Variants in ABCA13 observed in about 807,000 individuals in gnomAD.
ABCA13 encodes ATP binding cassette subfamily A member 13.
Under a neutral mutation model 478.7 loss-of-function variants are expected in ABCA13, and 476 were observed. That is an observed-to-expected ratio of 0.99 (90% CI 0.92 to 1.07). The LOEUF is 1.07. Ranked by LOEUF, ABCA13 falls within the 50% of genes least tolerant of loss-of-function variation. The pLI, the probability that ABCA13 is intolerant of heterozygous loss-of-function variation, is 0.00. For missense variants in ABCA13, 6,060 were observed against 5,910.6 expected (o/e 1.03, Z -0.83); for synonymous variants, 2,252 against 2,158.9 (o/e 1.04, Z -1.20).
chr7:48,288,834 G>A (rs188282705), intron 20 of ABCA13, among the ~76,000 whole-genome samples: 282 of 152,244 alleles, frequency 1.9e-3, no homozygotes, highest in Non-Finnish European at 3.5e-3. Context: ...ATCAGACAAT[G>A]TGTCTCTTAT....
chr7:48,252,919 C>T (rs1324381986), intron 15 of ABCA13, among the ~76,000 whole-genome samples: 3 of 152,096 alleles, frequency 2.0e-5, no homozygotes, highest in African/African-American at 7.2e-5. Flanking sequence ...AAAAAATTTC[C>T]ACTTCCCCCA....
At chr7:48,292,832 T>G (rs10279899) in intron 20 of ABCA13, among the ~76,000 whole-genome samples, 75,793 of 151,966 alleles carry the variant, frequency 0.5, 19,782 homozygotes, top group African/African-American at 0.64. Flanking sequence ...CTGCACTGGG[T>G]TGTGAACCTC....
At chr7:48,359,125 G>A (rs1810419299) in intron 31 of ABCA13, among the ~76,000 whole-genome samples, 1 of 151,934 alleles carries the variant, frequency 6.6e-6, no homozygotes, top group Admixed American at 6.6e-5. Context: ...CCAGTGCATT[G>A]GCTTGTAGTG....
intron 59 of ABCA13, among the ~76,000 whole-genome samples, chr7:48,626,143 T>A (rs1212049855): frequency 6.6e-6 from 1 of 152,108 alleles, no homozygotes; most frequent in African/African-American, 2.4e-5. Context: ...GAGTGGGTAA[T>A]AAGGCATGAG....
At chr7:48,483,253 G>A in intron 47 of ABCA13, 90 bp downstream of exon 47, 1 of 1,111,400 alleles carries the variant, frequency 9.0e-7, no homozygotes, top group South Asian at 1.5e-5. Flanking sequence ...GGGTTCAGAA[G>A]GACCAGATTA....
chr7:48,293,125 C>A (rs1412808181), intron 20 of ABCA13, among the ~76,000 whole-genome samples: 3 of 148,356 alleles, frequency 2.0e-5, no homozygotes, highest in Non-Finnish European at 4.4e-5. Context: ...TTGGTTGAGG[C>A]GGTGGTGACA....
rs1367583100 is a variant in ABCA13, at chr7:48,455,142, A to G, written c.12671A>G (p.Lys4224Arg). 1 of 1,575,346 alleles carries G rather than the reference A, an allele frequency of 6.3e-7. No individual in the cohort carries two copies. The highest frequency in any genetic ancestry group is 1.4e-5 in the African/African-American group (1 of 73,888). Residue 4224 changes from lysine (K) to arginine (R), a missense_variant, in exon 43 of 62, where the codon AAG becomes AGG. By Grantham distance (26) the Lys-to-Arg change is conservative (BLOSUM62 2). This residue lies in a region of ABCA13 where 1,627 missense variants were observed against 1,571.0 expected (regional missense o/e 1.04). Coordinates refer to ENST00000435803, the MANE Select transcript of ABCA13 (RefSeq NM_152701.5). ...CTCCGCCGCACGCTGCGCGCCGGGA[A>G]GAGCACCCTCGCCGACCTGCTGCTG... Reference protein sequence around the residue: ...RRLRRTLRAGKSTLADLLLPV... With the variant: ...RRLRRTLRAGRSTLADLLLPV...
At chr7:48,443,074 A>G (rs963410271) in intron 42 of ABCA13, among the ~76,000 whole-genome samples, 3 of 152,196 alleles carry the variant, frequency 2.0e-5, no homozygotes, top group African/African-American at 7.2e-5. Flanking sequence ...GGATGCACAC[A>G]CATAGAGATA....
chr7:48,263,552 T>A (rs1794473589), intron 15 of ABCA13, among the ~76,000 whole-genome samples: 1 of 151,858 alleles, frequency 6.6e-6, no homozygotes, highest in Non-Finnish European at 1.5e-5. Flanking sequence ...TTTACTGAGT[T>A]CTTATGAAGA....
At chr7:48,261,863 A>T (rs929844965) in intron 15 of ABCA13, among the ~76,000 whole-genome samples, 3 of 151,932 alleles carry the variant, frequency 2.0e-5, no homozygotes, top group African/African-American at 7.2e-5. Context: ...GAGGCACTAG[A>T]ATGGTGATGG....
chr7:48,250,118 G>T (rs1792317919), intron 15 of ABCA13, among the ~76,000 whole-genome samples: 1 of 152,128 alleles, frequency 6.6e-6, no homozygotes, highest in African/African-American at 2.4e-5. Flanking sequence ...CTAGGTTACT[G>T]GTTTATTAAG....
At chr7:48,513,102 T>C (rs979186883) in intron 51 of ABCA13, among the ~76,000 whole-genome samples, 3 of 152,198 alleles carry the variant, frequency 2.0e-5, no homozygotes, top group Non-Finnish European at 2.9e-5. Context: ...GGGGAACTGC[T>C]GTCTCCTGTG....
At chr7:48,530,834 T>G (rs940119963) in intron 55 of ABCA13, among the ~76,000 whole-genome samples, 1 of 152,162 alleles carries the variant, frequency 6.6e-6, no homozygotes, top group Admixed American at 6.5e-5. Context: ...GTGATGGTAT[T>G]TTTTGTTTCT....
chr7:48,416,292 T>C (rs1819971044), intron 41 of ABCA13, among the ~76,000 whole-genome samples: 1 of 152,188 alleles, frequency 6.6e-6, no homozygotes, highest in South Asian at 2.1e-4. Context: ...CTATCAGTCT[T>C]AAATAGGAGG....
intron 50 of ABCA13, 68 bp downstream of exon 50, chr7:48,508,117 A>T: frequency 6.3e-7 from 1 of 1,599,386 alleles, no homozygotes; most frequent in Non-Finnish European, 8.5e-7. Flanking sequence ...GTATGGAGGG[A>T]TGGAGGGGGG....
intron 10 of ABCA13, among the ~76,000 whole-genome samples, chr7:48,244,187 T>C (rs531756975): frequency 1.3e-5 from 2 of 152,226 alleles, no homozygotes; most frequent in Non-Finnish European, 2.9e-5. Flanking sequence ...GGGTCCTGTA[T>C]ACCATCACAC....
At chr7:48,489,475 C>T (rs1360973326) in intron 48 of ABCA13, 131 bp downstream of exon 48, 12 of 698,594 alleles carry the variant, frequency 1.7e-5, no homozygotes, top group African/African-American at 5.4e-5. Flanking sequence ...GCAACCAATC[C>T]GTGTCTAAAC....
Position 48,596,722 on chromosome 7 carries a change from C to T in ABCA13, c.14744+1909C>T, listed in dbSNP as rs1431147552. On this transcript the variant is annotated intron_variant, in intron 58 of 61. Coordinates refer to ENST00000435803, the MANE Select transcript of ABCA13 (RefSeq NM_152701.5). ...CTGAGGCAGGAGAATGTCATGAGAC[C>T]GGGAGGTGGAGCTTGCAGTGAGCCA... Among the ~76,000 whole-genome samples the T allele has an allele frequency of 5.9e-5, 9 of 151,712 alleles. No individual in the cohort carries two copies. The East Asian group carries it at 6.1e-4, about 10-fold the overall frequency.
intron 22 of ABCA13, among the ~76,000 whole-genome samples, chr7:48,297,859 C>T (rs1347582877): frequency 6.6e-6 from 1 of 151,382 alleles, no homozygotes; most frequent in Non-Finnish European, 1.5e-5. Context: ...ACTGCAACCT[C>T]CGCCTCCTGG....
Sources: allele counts gnomAD v4.1 joint callset (sites outside exome capture counted in the v4.1 genomes callset), GRCh38; gene constraint gnomAD v4.1.1; regional missense constraint gnomAD v4.1.1; transcripts MANE v1.5; gene names NCBI Gene and HGNC (gene_info 2026-07-23, HGNC 2026-07-21).